CDK17: variants seen among roughly 807,000 people sequenced by gnomAD.
CDK17 encodes the protein cyclin dependent kinase 17.
CDK17 carries 24 observed loss-of-function variants against 77.6 expected under a neutral mutation model. That is an observed-to-expected ratio of 0.31 (90% CI 0.22 to 0.44). The LOEUF (loss-of-function observed/expected upper bound fraction) is 0.44, where lower values mean the gene tolerates loss of function less well. CDK17 is among the 20% of genes least tolerant of loss of function. The pLI is 1.00. For missense variants in CDK17, 429 were observed against 622.5 expected (o/e 0.69, Z 3.31); for synonymous variants, 203 against 210.4 (o/e 0.96, Z 0.30).
At chr12:96,353,709 T>C (rs1216962636) in intron 1 of CDK17, among the ~76,000 whole-genome samples, 1 of 152,148 alleles carries the variant, frequency 6.6e-6, no homozygotes, top group Non-Finnish European at 1.5e-5. Context: ...ACTGTGAGAT[T>C]TGCTAGGTTA....
chr12:96,289,571 TG>T (rs761926632), intron 10 of CDK17, among the ~76,000 whole-genome samples: 60 of 152,352 alleles, frequency 3.9e-4, no homozygotes, highest in South Asian at 1.2e-3. Flanking sequence ...AAACTTAAGA[TG>T]TTTTCCTTCT....
intron 1 of CDK17, among the ~76,000 whole-genome samples, chr12:96,344,203 C>T (rs911688438): frequency 3.3e-5 from 5 of 152,086 alleles, no homozygotes; most frequent in Non-Finnish European, 4.4e-5. Flanking sequence ...GATGAACCTA[C>T]CGGACAGGGA....
intron 3 of CDK17, among the ~76,000 whole-genome samples, chr12:96,313,723 AAAT>A (rs1347425303): frequency 1.3e-5 from 2 of 152,218 alleles, no homozygotes; most frequent in African/African-American, 4.8e-5. Flanking sequence ...TATAAACTGG[AAAT>A]AATATCTCTG....
At chr12:96,365,494 T>C (rs17313099) in intron 1 of CDK17, among the ~76,000 whole-genome samples, 32,857 of 152,162 alleles carry the variant, frequency 0.22, 4,440 homozygotes, top group Middle Eastern at 0.32. Context: ...AATAAGCTGG[T>C]TGATGTGTAG....
intron 1 of CDK17, among the ~76,000 whole-genome samples, chr12:96,353,883 A>C (rs1953353711): frequency 6.6e-6 from 1 of 152,204 alleles, no homozygotes; most frequent in East Asian, 1.9e-4. Context: ...GATTGAACCT[A>C]TTGGAACAAA....
chr12:96,332,024 C>T (rs1952978782), intron 2 of CDK17, among the ~76,000 whole-genome samples: 1 of 152,130 alleles, frequency 6.6e-6, no homozygotes, highest in African/African-American at 2.4e-5. Flanking sequence ...CCTAGTGATG[C>T]CAGTGATGCC....
intron 9 of CDK17, chr12:96,295,331 T>G: frequency 2.8e-6 from 1 of 355,228 alleles, no homozygotes; most frequent in Admixed American, 4.4e-5. Flanking sequence ...AGCATCTACC[T>G]ATTTCTTTTA....
intron 13 of CDK17, among the ~76,000 whole-genome samples, chr12:96,284,909 T>C (rs527922132): frequency 6.6e-6 from 1 of 152,228 alleles, no homozygotes; most frequent in East Asian, 1.9e-4. Flanking sequence ...AAATAACAGG[T>C]TCTATCTTAC....
intron 5 of CDK17, 34 bp downstream of exon 5, chr12:96,311,018 T>C (rs917172980): frequency 1.3e-6 from 2 of 1,568,968 alleles, no homozygotes; most frequent in African/African-American, 1.4e-5. Flanking sequence ...GCAGATCTGA[T>C]TGATGGTGGA....
intron 10 of CDK17, among the ~76,000 whole-genome samples, chr12:96,294,220 A>C (rs1170065125): frequency 6.6e-6 from 1 of 152,218 alleles, no homozygotes; most frequent in Admixed American, 6.5e-5. Flanking sequence ...TGGAAATTAA[A>C]TATAATTAAT....
intron 14 of CDK17, among the ~76,000 whole-genome samples, chr12:96,282,988 C>T (rs536829024): frequency 2.3e-4 from 35 of 152,122 alleles, no homozygotes; most frequent in African/African-American, 8.4e-4. Flanking sequence ...TACTCATTTC[C>T]CTTTTTTTTT....
chr12:96,306,702 G>C (rs1046973340), intron 5 of CDK17, among the ~76,000 whole-genome samples: 40 of 151,778 alleles, frequency 2.6e-4, no homozygotes, highest in African/African-American at 9.7e-4. Context: ...TACTTTTTAG[G>C]TATATAAAGA....
At chr12:96,281,056 CTAAA>C (rs1952173004) in intron 15 of CDK17, among the ~76,000 whole-genome samples, 171 bp from the exon 16 acceptor site, 1 of 152,184 alleles carries the variant, frequency 6.6e-6, no homozygotes, top group Admixed American at 6.5e-5. Context: ...GAGGAGAAAA[CTAAA>C]TGAATGAAGC....
At chr12:96,345,250 C>A (rs549212826) in intron 1 of CDK17, among the ~76,000 whole-genome samples, 1 of 152,182 alleles carries the variant, frequency 6.6e-6, no homozygotes, top group Non-Finnish European at 1.5e-5. Context: ...TGGGTTGATT[C>A]CATGTCTTTG....
intron 5 of CDK17, among the ~76,000 whole-genome samples, chr12:96,309,642 C>T (rs1207878457): frequency 1.3e-5 from 2 of 151,648 alleles, no homozygotes; most frequent in African/African-American, 4.8e-5. Context: ...ACAGAAAACC[C>T]AATAGAAAAA....
intron 3 of CDK17, among the ~76,000 whole-genome samples, chr12:96,315,908 T>C (rs1952708003): frequency 6.6e-6 from 1 of 152,068 alleles, no homozygotes; most frequent in East Asian, 1.9e-4. Flanking sequence ...TGCTACACTT[T>C]TGAGACTTAC....
chr12:96,391,286 T>C (rs1192820845), intron 1 of CDK17, among the ~76,000 whole-genome samples: 1 of 71,200 alleles, frequency 1.4e-5, no homozygotes, highest in African/African-American at 5.5e-5. Flanking sequence ...TTGTTTTTGA[T>C]TTTTTTTTTC....
At chr12:96,325,051 T>A (rs558300968) in intron 2 of CDK17, among the ~76,000 whole-genome samples, 82 of 152,308 alleles carry the variant, frequency 5.4e-4, no homozygotes, top group African/African-American at 1.9e-3. Flanking sequence ...GGGGAGAAAC[T>A]GTTTTGTAAT....
intron 5 of CDK17, among the ~76,000 whole-genome samples, chr12:96,308,019 T>C (rs1952598372): frequency 6.6e-6 from 1 of 152,166 alleles, no homozygotes; most frequent in Non-Finnish European, 1.5e-5. Flanking sequence ...GCTCATGGTA[T>C]ATACAGCATA....
Sources: allele counts gnomAD v4.1 joint callset (sites outside exome capture counted in the v4.1 genomes callset), GRCh38; gene constraint gnomAD v4.1.1; transcripts MANE v1.5; gene names NCBI Gene and HGNC (gene_info 2026-07-23, HGNC 2026-07-21).